The following CHIC1 variants were observed in gnomAD, a reference collection of about 807,000 sequenced individuals.
CHIC1 encodes cysteine rich hydrophobic domain 1.
Under a neutral mutation model 18.5 loss-of-function variants are expected in CHIC1, and 7 were observed. The ratio of observed to expected loss-of-function variants is 0.38; its 90% CI spans 0.22 to 0.71. The LOEUF is 0.71. CHIC1 is among the 30% of genes least tolerant of loss of function. CHIC1 has a pLI of 0.49. For synonymous variants in CHIC1, 77 were observed against 73.5 expected (o/e 1.05, Z -0.25); for missense variants, 159 against 176.9 (o/e 0.90, Z 0.57).
chrX:73,622,041 G>A (rs957339016), intron 3 of CHIC1, among the ~76,000 whole-genome samples: 1 of 112,242 alleles, frequency 8.9e-6, no homozygotes, highest in Non-Finnish European at 1.9e-5. Context: ...CCCCAGGGAT[G>A]AAACAGACTT....
rs770181404 is a variant in CHIC1, at chrX:73,563,575, C to T, written c.291C>T (p.Ile97=). ...TATTAGTGCGGGGTGCCGGCCACAT[C>T]ACTGTGTAAGCGAGAGGGGGTCTTG... ...DPVLVRGAGH[I]TVFGLSNKFD... The change falls in exon 1 of 6, where the codon ATC becomes ATT. Residue 97 remains isoleucine (I), a synonymous_variant. Transcript: ENST00000373502. 1.6e-4 allele frequency: 171 copies of T among 1,093,273 alleles called. No homozygotes were observed. The highest frequency in any genetic ancestry group is 2.0e-4 in the Non-Finnish European group (165 of 837,298). 90.1% of individuals were successfully genotyped at this position (1,093,273 alleles called of 1,213,427 possible). A position where few individuals can be genotyped will look rare whatever the true frequency, so the allele number is the denominator to read the frequency against.
At chrX:73,583,761 A>G (rs2147551060) in intron 2 of CHIC1, among the ~76,000 whole-genome samples, 1 of 111,703 alleles carries the variant, frequency 9.0e-6, no homozygotes. Context: ...GGTAGTAACT[A>G]GAAATATTAA....
chrX:73,591,707 T>G (rs1199926243), intron 3 of CHIC1, among the ~76,000 whole-genome samples: 1 of 111,880 alleles, frequency 8.9e-6, no homozygotes, highest in Non-Finnish European at 1.9e-5. Context: ...GTTTGGCATT[T>G]GTGAAAGGTG....
intron 3 of CHIC1, among the ~76,000 whole-genome samples, chrX:73,670,634 TCTA>T (rs995114555): frequency 9.0e-6 from 1 of 111,425 alleles, no homozygotes; most frequent in Non-Finnish European, 1.9e-5. Flanking sequence ...TTCTTTCAAA[TCTA>T]CTGTTTTGAT....
chrX:73,568,660 T>G (rs1008980116), intron 1 of CHIC1, among the ~76,000 whole-genome samples: 1 of 111,519 alleles, frequency 9.0e-6, no homozygotes, highest in African/African-American at 3.3e-5. Flanking sequence ...CTCTTTGTAT[T>G]ACTTAAAATA....
chrX:73,576,286 T>C (rs1415192390), intron 1 of CHIC1, among the ~76,000 whole-genome samples: 2 of 110,762 alleles, frequency 1.8e-5, no homozygotes, highest in Non-Finnish European at 3.8e-5. Context: ...GTTATCATCA[T>C]GTATTATGTA....
intron 3 of CHIC1, among the ~76,000 whole-genome samples, chrX:73,660,662 G>T (rs533056285): frequency 9.0e-6 from 1 of 110,984 alleles, no homozygotes; most frequent in Non-Finnish European, 1.9e-5. Flanking sequence ...GAGCTGCATC[G>T]TCTGGGTCTG....
rs1411282415 is a variant in CHIC1 at position 73,577,424 on chromosome X, A to G, written c.314A>G (p.Lys105Arg). The change falls in exon 2 of 6, where the codon AAG becomes AGG. Residue 105 changes from lysine to arginine, a missense_variant. Lys to Arg is a conservative substitution (Grantham distance 26). Transcript: ENST00000373502. ...GHITVFGLSNKFDTEFPSVLT... is the reference protein window; with the variant it reads ...GHITVFGLSNRFDTEFPSVLT... ...TTTTGAAGGTTTGGCTTGAGCAACAAGTTTGATACTGAATTTCCCTCCGTT... is the reference window on the plus strand; with the variant it reads ...TTTTGAAGGTTTGGCTTGAGCAACAGGTTTGATACTGAATTTCCCTCCGTT... The G allele has an allele frequency of 4.2e-6, 5 of 1,197,512 alleles. No homozygotes were observed. In the South Asian group the frequency reaches 7.1e-5, roughly 17 times the overall value.
In CHIC1 at chrX:73,579,728, A is replaced by G. The variant is rs192186146; in HGVS notation, c.351+2267A>G. Among the ~76,000 whole-genome samples, 8 of 110,581 alleles carry G rather than the reference A, an allele frequency of 7.2e-5. No individual in the cohort carries two copies. The Admixed American group carries it at 7.7e-4, about 11-fold the overall frequency. ...ACTCTTTAGTACGTTCTACCTTCCTATCCTGATCAATTGGAGTAATTTACC... is the reference window on the plus strand; with the variant it reads ...ACTCTTTAGTACGTTCTACCTTCCTGTCCTGATCAATTGGAGTAATTTACC... On this transcript the variant is annotated intron_variant, in intron 2 of 5. Coordinates refer to ENST00000373502, the MANE Select transcript of CHIC1 (RefSeq NM_001039840.4).
At chrX:73,618,891 C>T (rs2057745763) in intron 3 of CHIC1, among the ~76,000 whole-genome samples, 1 of 112,472 alleles carries the variant, frequency 8.9e-6, no homozygotes, top group Non-Finnish European at 1.9e-5. Flanking sequence ...TTTCCCAGTT[C>T]CTCTGGCAGC....
At chrX:73,680,700 T>A (rs1836144976) in intron 5 of CHIC1, among the ~76,000 whole-genome samples, 1 of 111,445 alleles carries the variant, frequency 9.0e-6, no homozygotes, top group African/African-American at 3.2e-5. Context: ...GACAAATAGT[T>A]ATTGTAAATC....
intron 3 of CHIC1, among the ~76,000 whole-genome samples, chrX:73,625,608 A>C (rs2057779975): frequency 8.9e-6 from 1 of 111,784 alleles, no homozygotes; most frequent in African/African-American, 3.3e-5. Context: ...GTACCTGCCT[A>C]ATCCTGTCAC....
intron 3 of CHIC1, among the ~76,000 whole-genome samples, chrX:73,654,634 A>G (rs73229447): frequency 0.033 from 3,664 of 111,818 alleles, 72 homozygotes; most frequent in Non-Finnish European, 0.05. Flanking sequence ...AGTTTGGCAG[A>G]ATTCAGCCAT....
In CHIC1 at chrX:73,685,013, G is replaced by A. The variant is rs2058115440; in HGVS notation, c.*4008G>A. The A allele has an allele frequency of 9.0e-6, 1 of 111,074 alleles. No homozygotes were observed. The highest frequency in any genetic ancestry group is 1.9e-5 in the Non-Finnish European group (1 of 52,850). The allele number at this position is 111,074 out of a possible 1,213,427, so 9.2% of individuals were successfully genotyped here. A position where few individuals can be genotyped will look rare whatever the true frequency, so the allele number is the denominator to read the frequency against. On this transcript the variant is annotated 3_prime_UTR_variant, in exon 6 of 6. Coordinates refer to ENST00000373502, the MANE Select transcript of CHIC1 (RefSeq NM_001039840.4). Reference sequence around the variant, plus strand: ...GGCAGGTCATCTTAATTGCATGTCTGTCTCTTCTGTAAAATGATGAGGTGG... The same window carrying A: ...GGCAGGTCATCTTAATTGCATGTCTATCTCTTCTGTAAAATGATGAGGTGG...
chrX:73,642,533 A>G (rs1360657124), intron 3 of CHIC1, among the ~76,000 whole-genome samples: 1 of 103,469 alleles, frequency 9.7e-6, no homozygotes, highest in Non-Finnish European at 2.0e-5. Context: ...ATTAGATCCC[A>G]TTTGTCAATT....
chrX:73,607,506 A>T (rs966793265), intron 3 of CHIC1, among the ~76,000 whole-genome samples: 1 of 107,263 alleles, frequency 9.3e-6, no homozygotes, highest in African/African-American at 3.6e-5. Flanking sequence ...TATCTCGCTG[A>T]CATTCCAGGA....
chrX:73,604,424 C>T lies in CHIC1; in HGVS notation c.507+19852C>T, dbSNP rs921636580. The stretch of plus-strand genomic sequence containing the variant: ...TTTTCTTTTTTATTAGTCTGGCTAG[C>T]GGTCTATTTTGTTAATCTTTTCAAA... On this transcript the variant is annotated intron_variant, in intron 3 of 5. Transcript: ENST00000373502. Among the ~76,000 whole-genome samples, 33 of 107,275 alleles carry T rather than the reference C, an allele frequency of 3.1e-4. 1 individual carries two copies. The highest frequency in any genetic ancestry group is 2.6e-3 in the Admixed American group (26 of 10,172). The allele number at this position is 107,275 out of a possible 115,157, so 93.2% of individuals were successfully genotyped here. A position where few individuals can be genotyped will look rare whatever the true frequency, so the allele number is the denominator to read the frequency against.
At position 73,600,053 on chromosome X, in the gene CHIC1, C is replaced by G. The variant is rs1242368062; in HGVS notation, c.507+15481C>G. ...CTCCTTGAAGAGGTCCTTCACATCC[C>G]TTGTAAGTTGGATTCCTAGGTGTTT... On this transcript the variant is annotated intron_variant, in intron 3 of 5. Coordinates refer to ENST00000373502, the MANE Select transcript of CHIC1 (RefSeq NM_001039840.4). Among the ~76,000 whole-genome samples the G allele has an allele frequency of 3.1e-3, 316 of 102,665 alleles. 4 individuals are homozygous for G. The highest frequency in any genetic ancestry group is 3.6e-3 in the Non-Finnish European group (186 of 51,711). The allele number at this position is 102,665 out of a possible 115,157, so 89.2% of individuals were successfully genotyped here. A position where few individuals can be genotyped will look rare whatever the true frequency, so the allele number is the denominator to read the frequency against.
intron 3 of CHIC1, among the ~76,000 whole-genome samples, chrX:73,635,062 G>C (rs889042692): frequency 9.1e-6 from 1 of 110,468 alleles, no homozygotes; most frequent in African/African-American, 3.3e-5. Flanking sequence ...GGGAATGAAA[G>C]CTGGAACCTC....
Sources: gnomAD v4.1 joint callset for allele counts (sites outside exome capture counted in the v4.1 genomes callset) on GRCh38, gnomAD v4.1.1 for gene constraint, MANE v1.5 for transcripts, NCBI Gene and HGNC (gene_info 2026-07-23, HGNC 2026-07-21) for gene names.